The following RSPH14 variants were observed in gnomAD, a reference collection of about 807,000 sequenced individuals.
The protein encoded by RSPH14 is rhabdoid tumor deletion region gene 1.
In RSPH14, 20 loss-of-function variants were observed where a neutral mutation model predicts 26.7. That is an observed-to-expected ratio of 0.75 (90% confidence interval 0.53 to 1.09). RSPH14 has a LOEUF of 1.09. RSPH14 is among the 50% of genes least tolerant of loss of function. RSPH14 has a pLI of 0.00. For synonymous variants in RSPH14, 177 were observed against 189.3 expected (o/e 0.93, Z 0.53); for missense variants, 449 against 457.2 (o/e 0.98, Z 0.16).
intron 4 of RSPH14, among the ~76,000 whole-genome samples, chr22:23,085,759 A>T (rs899971821): frequency 3.9e-5 from 6 of 152,238 alleles, no homozygotes; most frequent in African/African-American, 1.2e-4. Context: ...TTGTGTCCCC[A>T]GGAGGCACGG....
intron 4 of RSPH14, among the ~76,000 whole-genome samples, chr22:23,130,135 GAAAGAAAGAAA>G (rs2070309034): frequency 1.9e-5 from 2 of 103,848 alleles, no homozygotes; most frequent in Non-Finnish European, 4.2e-5. Context: ...AAGAAAGAAA[GAAAGAAAGAAA>G]GAAAGAAAGA....
At chr22:23,079,632 C>T (rs912792833) in intron 4 of RSPH14, among the ~76,000 whole-genome samples, 2 of 152,168 alleles carry the variant, frequency 1.3e-5, no homozygotes, top group Admixed American at 6.5e-5. Context: ...CAAGGATGCC[C>T]CTGGCTGCTG....
At chr22:23,063,849 C>A in intron 5 of RSPH14, 53 bp downstream of exon 5, 1 of 1,570,846 alleles carries the variant, frequency 6.4e-7, no homozygotes, top group Non-Finnish European at 8.7e-7. Flanking sequence ...ACCAGTCCAG[C>A]TCAGGTGCCT....
the RSPH14 span, chr22:23,155,851 A>G: frequency 3.4e-6 from 3 of 869,996 alleles, no homozygotes; most frequent in Non-Finnish European, 5.1e-6. Flanking sequence ...CCTGAAGCCC[A>G]TGCAGCTGGC....
At chr22:23,069,238 G>GGCT (rs1163382777) in intron 4 of RSPH14, among the ~76,000 whole-genome samples, 2 of 152,100 alleles carry the variant, frequency 1.3e-5, no homozygotes, top group Non-Finnish European at 2.9e-5. Context: ...TCAGGTCCAG[G>GGCT]GCTGCTGCTC....
chr22:23,139,423 C>A (rs1210160121), intron 2 of RSPH14, among the ~76,000 whole-genome samples: 1 of 152,222 alleles, frequency 6.6e-6, no homozygotes, highest in African/African-American at 2.4e-5. Context: ...GAGTTCAAGA[C>A]CAGCCTGGCC....
chr22:23,126,348 T>TC (rs1467730769), intron 4 of RSPH14, among the ~76,000 whole-genome samples: 7 of 151,922 alleles, frequency 4.6e-5, no homozygotes, highest in Non-Finnish European at 8.8e-5. Flanking sequence ...TCTGGCCCCG[T>TC]CCTCCCCTGC....
intron 2 of RSPH14, among the ~76,000 whole-genome samples, chr22:23,139,626 AT>A (rs1304984155): frequency 1.5e-4 from 6 of 40,734 alleles, no homozygotes; most frequent in Non-Finnish European, 3.8e-4. Flanking sequence ...ATCTCAAAAA[AT>A]AAATAAATAA....
chr22:23,160,895 ATTC>A, the RSPH14 span: 1 of 1,613,758 alleles, frequency 6.2e-7, no homozygotes, highest in Non-Finnish European at 8.5e-7. Flanking sequence ...ACGTGAAGGC[ATTC>A]TTCAGCCGCG....
rs2068102148 is a variant in RSPH14, at chr22:23,061,848, C to T, written c.751G>A (p.Ala251Thr). Residue 251 changes from alanine (A) to threonine (T), a missense_variant, in exon 6 of 7, where the codon GCT becomes ACT. Coordinates refer to ENST00000216036, the MANE Select transcript of RSPH14 (RefSeq NM_014433.3). The part of the protein sequence containing the change: ...KDPVEHVKSN[A>T]AGALMFATVI... The stretch of plus-strand genomic sequence containing the variant: ...GTGGCGAACATCAGGGCACCGGCAG[C>T]GTTAGACTTCACATGCTCCACTGGG... The T allele has an allele frequency of 4.3e-6, 7 of 1,614,134 alleles. No individual in the cohort carries two copies. Among genetic ancestry groups the T allele is most frequent in the East Asian group, 2.2e-5 (1 of 44,882 alleles).
At chr22:23,099,858 C>T (rs1179636571) in intron 4 of RSPH14, among the ~76,000 whole-genome samples, 1 of 152,260 alleles carries the variant, frequency 6.6e-6, no homozygotes, top group Non-Finnish European at 1.5e-5. Flanking sequence ...GGTCTTCACT[C>T]GGCCCCACTG....
At chr22:23,146,461 C>T (rs2070779016), upstream of RSPH14, 7 of 1,349,700 alleles carry the variant, frequency 5.2e-6, no homozygotes, top group South Asian at 6.3e-5. Context: ...ATCCTCCCAC[C>T]TTGGCCTCCC....
At chr22:23,161,756 C>T in the RSPH14 span, 1 of 578,054 alleles carries the variant, frequency 1.7e-6, no homozygotes, top group Non-Finnish European at 3.1e-6. Context: ...AGGTTGGGCA[C>T]TAGAAAAGGC....
At chr22:23,144,274 GTGGACTCCAA>G (rs71873783), upstream of RSPH14, among the ~76,000 whole-genome samples, 31,413 of 151,932 alleles carry the variant, frequency 0.21, 3,801 homozygotes, top group Middle Eastern at 0.31. Context: ...GCTTCCCGCA[GTGGACTCCAA>G]TTTCCCTGAG....
the RSPH14 span, chr22:23,152,673 G>A: frequency 1.5e-3 from 1,149 of 790,680 alleles, 2 homozygotes; most frequent in Admixed American, 1.8e-3. Context: ...AGCCGGATAA[G>A]AGGGGGTGCA....
At chr22:23,081,197 G>T (rs1417324831) in intron 4 of RSPH14, among the ~76,000 whole-genome samples, 1 of 152,204 alleles carries the variant, frequency 6.6e-6, no homozygotes, top group Non-Finnish European at 1.5e-5. Flanking sequence ...ACAGCCTAAA[G>T]TTCAGATTCC....
the RSPH14 span, among the ~76,000 whole-genome samples, chr22:23,170,746 A>C: frequency 6.6e-6 from 1 of 151,562 alleles, no homozygotes; most frequent in Non-Finnish European, 1.5e-5. Context: ...TAAATAAATA[A>C]ATAAGGCCAC....
chr22:23,176,306 T>G, the RSPH14 span, among the ~76,000 whole-genome samples: 1 of 152,226 alleles, frequency 6.6e-6, no homozygotes, highest in Non-Finnish European at 1.5e-5. Context: ...CTAGACTTGC[T>G]GGCTCCTTCC....
chr22:23,134,639 T>G (rs1050654621), intron 3 of RSPH14, among the ~76,000 whole-genome samples: 1 of 148,504 alleles, frequency 6.7e-6, no homozygotes, highest in South Asian at 2.1e-4. Context: ...CCTAGGCGGA[T>G]AGATGACTTG....
Sources: allele counts gnomAD v4.1 joint callset (sites outside exome capture counted in the v4.1 genomes callset), GRCh38; gene constraint gnomAD v4.1.1; transcripts MANE v1.5; gene names NCBI Gene and HGNC (gene_info 2026-07-23, HGNC 2026-07-21).